The following WARS2 variants were observed in gnomAD, a reference collection of about 807,000 sequenced individuals.
WARS2 encodes tryptophanyl tRNA synthetase 2, mitochondrial, also known as tryptophan--tRNA ligase, mitochondrial.
A neutral mutation model predicts 36.5 loss-of-function variants in WARS2; 28 were observed. That is an observed-to-expected ratio of 0.77 (90% CI 0.57 to 1.05). The LOEUF is 1.05. Among genes scored for constraint, WARS2 ranks in the 50% least tolerant of loss-of-function variants. WARS2 has a pLI of 0.00. For synonymous variants in WARS2, 174 were observed against 178.4 expected (o/e 0.98, Z 0.20); for missense variants, 435 against 456.8 (o/e 0.95, Z 0.44).
rs113456030 is a variant in WARS2, at chr1:119,085,849, C to T, written c.91-9242G>A. Reference sequence around the variant, plus strand: ...GGAAGCCCTCCCAGGAAGATCCAGGCACTGTCCTTGTACTCGGAGTGCCAG... The same window carrying T: ...GGAAGCCCTCCCAGGAAGATCCAGGTACTGTCCTTGTACTCGGAGTGCCAG... On this transcript the variant is annotated intron_variant, in intron 1 of 5. Coordinates refer to ENST00000235521, the MANE Select transcript of WARS2 (RefSeq NM_015836.4). 2.1e-3 allele frequency: 3,323 copies of T among 1,610,292 alleles called. 60 individuals carry two copies. In the African/African-American group the frequency reaches 0.038, roughly 19 times the overall value.
At chr1:119,067,985 T>C (rs1384365007) in intron 2 of WARS2, among the ~76,000 whole-genome samples, 4 of 152,208 alleles carry the variant, frequency 2.6e-5, no homozygotes, top group Non-Finnish European at 5.9e-5. Flanking sequence ...TTGGAAACTG[T>C]GGAGAAGGAA....
chr1:119,093,484 T>C (rs1441148294), intron 1 of WARS2, among the ~76,000 whole-genome samples: 1 of 31,394 alleles, frequency 3.2e-5, no homozygotes, highest in Non-Finnish European at 5.6e-5. Context: ...ATAAATACAA[T>C]GACTTGTGTC....
At chr1:119,117,336 T>C (rs1227784323) in intron 1 of WARS2, among the ~76,000 whole-genome samples, 1 of 152,132 alleles carries the variant, frequency 6.6e-6, no homozygotes, top group Non-Finnish European at 1.5e-5. Flanking sequence ...ATGGTTTGTC[T>C]CTATCGGCCC....
At chr1:119,127,090 C>T in intron 1 of WARS2, 1 of 749,144 alleles carries the variant, frequency 1.3e-6, no homozygotes. Context: ...AGACTCACTT[C>T]AAGCACACAA....
At chr1:119,123,529 T>C (rs587658130) in intron 1 of WARS2, among the ~76,000 whole-genome samples, 7 of 152,284 alleles carry the variant, frequency 4.6e-5, no homozygotes, top group South Asian at 4.1e-4. Context: ...TCCATGTACA[T>C]ATAAGATATG....
chr1:119,085,858 T>G, intron 1 of WARS2: 1 of 1,610,488 alleles, frequency 6.2e-7, no homozygotes, highest in South Asian at 1.1e-5. Context: ...GCACTGTCCT[T>G]GTACTCGGAG....
At chr1:119,067,575 T>C (rs1044274527) in intron 2 of WARS2, among the ~76,000 whole-genome samples, 2 of 152,244 alleles carry the variant, frequency 1.3e-5, no homozygotes, top group African/African-American at 2.4e-5. Flanking sequence ...AATCCCACTC[T>C]ACCCTTATAT....
intron 2 of WARS2, among the ~76,000 whole-genome samples, chr1:119,046,345 T>C (rs1399786175): frequency 2.1e-5 from 3 of 142,688 alleles, no homozygotes; most frequent in Admixed American, 7.2e-5. Context: ...ATATAAACTT[T>C]CCCCAATTTT....
At position 119,124,025 on chromosome 1, in the gene WARS2, C is replaced by A. The variant is rs146140277; in HGVS notation, c.90+16530G>T. Reference sequence around the variant, plus strand: ...TGCCTAAAACTTAACTCCTGATAACCCCTGATCTTCCCTCCCAAAATCGTG... The same window carrying A: ...TGCCTAAAACTTAACTCCTGATAACACCTGATCTTCCCTCCCAAAATCGTG... On this transcript the variant is annotated intron_variant, in intron 1 of 5. Transcript: ENST00000235521. 1.3e-3 allele frequency among the ~76,000 whole-genome samples: 204 copies of A among 152,258 alleles called. 1 individual carries two copies. In the Middle Eastern group the frequency reaches 0.02, roughly 15 times the overall value.
chr1:119,064,255 G>A (rs1407594018), intron 2 of WARS2: 1 of 152,142 alleles, frequency 6.6e-6, no homozygotes, highest in Non-Finnish European at 1.5e-5. Flanking sequence ...CTCCCATTTG[G>A]AATGGCTGTA....
intron 1 of WARS2, among the ~76,000 whole-genome samples, chr1:119,126,132 C>T (rs908800963): frequency 3.3e-5 from 5 of 152,138 alleles, no homozygotes; most frequent in Non-Finnish European, 1.5e-5. Flanking sequence ...ATGGTCATCA[C>T]TTGGACTATG....
chr1:119,054,390 C>T (rs1453764141), intron 2 of WARS2, among the ~76,000 whole-genome samples: 1 of 151,864 alleles, frequency 6.6e-6, no homozygotes, highest in East Asian at 1.9e-4. Context: ...ATATATATAT[C>T]TCCCAGAAAA....
rs150368090 is a variant in WARS2 at position 119,078,979 on chromosome 1, ATG to A, written c.91-2374_91-2373del. Among the ~76,000 whole-genome samples the A allele has an allele frequency of 3.4e-4, 51 of 151,440 alleles. 1 individual carries two copies. Among genetic ancestry groups the A allele is most frequent in the African/African-American group, 1.0e-3 (42 of 41,302 alleles). ...ACACACACACATATGCATATACAAA[ATG>A]TGTGTGTGTGTGCACTTTGAAGTTT... On this transcript the variant is annotated intron_variant, in intron 1 of 5. Coordinates refer to ENST00000235521, the MANE Select transcript of WARS2 (RefSeq NM_015836.4).
intron 2 of WARS2, among the ~76,000 whole-genome samples, chr1:119,050,504 T>C (rs1224507806): frequency 1.3e-5 from 2 of 152,208 alleles, no homozygotes; most frequent in East Asian, 1.9e-4. Context: ...TATCATGCTA[T>C]AGTACCTAGG....
chr1:119,059,063 T>G (rs1650134005), intron 2 of WARS2, among the ~76,000 whole-genome samples: 1 of 151,688 alleles, frequency 6.6e-6, no homozygotes, highest in Admixed American at 6.6e-5. Flanking sequence ...TGGCCAGTGA[T>G]GATGAGCATT....
At chr1:119,112,732 T>C (rs893830730) in intron 1 of WARS2, among the ~76,000 whole-genome samples, 1 of 152,198 alleles carries the variant, frequency 6.6e-6, no homozygotes, top group African/African-American at 2.4e-5. Context: ...GGCAAGCCAA[T>C]TTACTAGAAA....
intron 2 of WARS2, among the ~76,000 whole-genome samples, chr1:119,060,981 A>G (rs545889712): frequency 6.6e-6 from 1 of 152,300 alleles, no homozygotes; most frequent in East Asian, 1.9e-4. Flanking sequence ...AAGCTGTCCA[A>G]CAATGGCTAA....
At chr1:119,103,660 C>G (rs1654032079) in intron 1 of WARS2, among the ~76,000 whole-genome samples, 1 of 151,522 alleles carries the variant, frequency 6.6e-6, no homozygotes, top group South Asian at 2.1e-4. Context: ...ATTCTGGTAA[C>G]AAGTCAAATA....
chr1:119,130,902 TACTGCCTGGTGAGG>T, intron 1 of WARS2, among the ~76,000 whole-genome samples: 1 of 152,272 alleles, frequency 6.6e-6, no homozygotes, highest in Non-Finnish European at 1.5e-5. Flanking sequence ...TCTAGAAACA[TACTGCCTGGTGAGG>T]TCTGCCTGTT....
Sources: gnomAD v4.1 joint callset for allele counts (sites outside exome capture counted in the v4.1 genomes callset) on GRCh38, gnomAD v4.1.1 for gene constraint, MANE v1.5 for transcripts, NCBI Gene and HGNC (gene_info 2026-07-23, HGNC 2026-07-21) for gene names.